The following MTHFD2L variants were observed in gnomAD, a reference collection of about 807,000 sequenced individuals.
MTHFD2L encodes bifunctional methylenetetrahydrofolate dehydrogenase/cyclohydrolase 2, mitochondrial.
A neutral mutation model predicts 34.9 loss-of-function variants in MTHFD2L; 29 were observed. The ratio of observed to expected loss-of-function variants is 0.83; its 90% CI spans 0.62 to 1.13. MTHFD2L has a LOEUF of 1.13. Among genes scored for constraint, MTHFD2L ranks in the 50% most tolerant of loss-of-function variants. The pLI is 0.00. For synonymous variants in MTHFD2L, 167 were observed against 155.7 expected (o/e 1.07, Z -0.54); for missense variants, 481 against 446.5 (o/e 1.08, Z -0.70).
chr4:74,126,549 T>G (rs538196148), intron 1 of MTHFD2L, among the ~76,000 whole-genome samples: 2 of 152,076 alleles, frequency 1.3e-5, no homozygotes, highest in South Asian at 4.2e-4. Flanking sequence ...AATGTCACAC[T>G]TTTTCTCTGG....
At chr4:74,247,916 A>G (rs2110190123) in intron 6 of MTHFD2L, among the ~76,000 whole-genome samples, 1 of 152,288 alleles carries the variant, frequency 6.6e-6, no homozygotes, top group Middle Eastern at 3.4e-3. Context: ...ATCAATGTTC[A>G]TCAAGGATAT....
chr4:74,199,924 T>G lies in MTHFD2L; in HGVS notation c.582T>G (p.Val194=). 6.2e-7 allele frequency: 1 copy of G among 1,613,940 alleles called. No individual in the cohort carries two copies. The highest frequency in any genetic ancestry group is 8.5e-7 in the Non-Finnish European group (1 of 1,179,950). The change falls in exon 4 of 8, where the codon GTT becomes GTG. Residue 194 remains valine, a synonymous_variant. Transcript: ENST00000325278. ...TCATACCTGCCACTGCCAGTGCTGT[T>G]TGGGAAATAATAAAAAGAACAGGTT... ...HSLIPATASA[V]WEIIKRTGIQ...
Position 74,140,145 on chromosome 4 carries a change from T to TA in MTHFD2L, c.-297+14639dup, listed in dbSNP as rs896559869. Reference sequence around the variant, plus strand: ...AGCCTGGGCAACATCTACAAAAAATTAAAAAAAAAAATAGCTGACATGGTG... The same window carrying TA: ...AGCCTGGGCAACATCTACAAAAAATTAAAAAAAAAAAATAGCTGACATGGTG... On this transcript the variant is annotated intron_variant, in intron 1 of 7. Coordinates refer to the MTHFD2L transcript ENST00000433372. 9.9e-3 allele frequency among the ~76,000 whole-genome samples: 1,446 copies of TA among 145,590 alleles called. 18 individuals are homozygous for TA. The highest frequency in any genetic ancestry group is 0.034 in the African/African-American group (1,350 of 39,714).
chr4:74,158,320 G>T, intron 1 of MTHFD2L, 39 bp downstream of exon 1: 2 of 1,229,244 alleles, frequency 1.6e-6, no homozygotes, highest in Non-Finnish European at 2.0e-6. Flanking sequence ...AGCCGCTGGC[G>T]GTGGGAGGTC....
intron 1 of MTHFD2L, among the ~76,000 whole-genome samples, chr4:74,145,966 T>C (rs1723569102): frequency 1.3e-5 from 2 of 152,078 alleles, no homozygotes; most frequent in African/African-American, 4.8e-5. Context: ...CAAGTAAACC[T>C]CTTTTCTTCA....
At chr4:74,247,592 T>C (rs1254180359) in intron 6 of MTHFD2L, among the ~76,000 whole-genome samples, 2 of 152,210 alleles carry the variant, frequency 1.3e-5, no homozygotes, top group Non-Finnish European at 2.9e-5. Flanking sequence ...GTTTTGCCCA[T>C]TCAGTATGAT....
At chr4:74,115,109 G>T (rs1388187236) in intron 2 of MTHFD2L, among the ~76,000 whole-genome samples, 1 of 152,174 alleles carries the variant, frequency 6.6e-6, no homozygotes, top group African/African-American at 2.4e-5. Context: ...TAGGGGGAGG[G>T]CAAGGGAGAC....
Position 74,174,509 on chromosome 4 carries a change from T to A in MTHFD2L, c.147T>A (p.His49Gln). ...TTTATTGTTTTGCTTTCCACAGACA[T>A]GAAGCCATTATTATATCAGGAACCG... is the stretch of plus-strand genomic sequence containing the variant. ...FRGFRSSGVR[H>Q]EAIIISGTEM... The change falls in exon 2 of 8, where the codon CAT becomes CAA. Residue 49 changes from histidine to glutamine, a missense_variant. By Grantham distance (24) the His-to-Gln change is conservative. Coordinates refer to ENST00000325278, the MANE Select transcript of MTHFD2L (RefSeq NM_001144978.3). 1 of 1,532,882 alleles carries A rather than the reference T, an allele frequency of 6.5e-7. No individual in the cohort carries two copies. Among genetic ancestry groups the A allele is most frequent in the Non-Finnish European group, 8.8e-7 (1 of 1,141,562 alleles). The allele number at this position is 1,532,882 out of a possible 1,614,324, so 95.0% of individuals were successfully genotyped here. A position where few individuals can be genotyped will look rare whatever the true frequency, so the allele number is the denominator to read the frequency against.
chr4:74,252,969 A>G (rs924226200), intron 6 of MTHFD2L, among the ~76,000 whole-genome samples: 19 of 152,192 alleles, frequency 1.2e-4, no homozygotes, highest in Admixed American at 2.0e-4. Context: ...TATAAGGGGT[A>G]AGGAGAATAC....
intron 6 of MTHFD2L, among the ~76,000 whole-genome samples, chr4:74,248,437 G>A (rs945495614): frequency 1.5e-4 from 23 of 151,906 alleles, no homozygotes; most frequent in African/African-American, 3.4e-4. Context: ...ACCAGCTCCC[G>A]GATTCATTAA....
At chr4:74,189,238 GTTCA>G (rs1731995337) in intron 3 of MTHFD2L, among the ~76,000 whole-genome samples, 1 of 152,034 alleles carries the variant, frequency 6.6e-6, no homozygotes. Context: ...TGCACTTGAA[GTTCA>G]TTCAAAGAAA....
intron 6 of MTHFD2L, among the ~76,000 whole-genome samples, chr4:74,242,397 CTTTA>C (rs1215663294): frequency 3.9e-5 from 6 of 151,938 alleles, no homozygotes; most frequent in Non-Finnish European, 7.4e-5. Flanking sequence ...CTTATCATTT[CTTTA>C]TTTAAATATC....
chr4:74,261,014 AAAAAT>A lies in MTHFD2L; in HGVS notation c.806-20409_806-20405del, dbSNP rs533253875. On this transcript the variant is annotated intron_variant, in intron 6 of 7. Coordinates refer to ENST00000325278, the MANE Select transcript of MTHFD2L (RefSeq NM_001144978.3). ...GGGTATCAACTGAAAATAAATAGAAAAAAATATATATATATATACTCTGTTGTAAA... is the reference window on the plus strand; with the variant it reads ...GGGTATCAACTGAAAATAAATAGAAAATATATATATATACTCTGTTGTAAA... Among the ~76,000 whole-genome samples the A allele has an allele frequency of 5.7e-5, 8 of 139,542 alleles. No individual in the cohort carries two copies. The East Asian group carries it at 1.6e-3, about 29-fold the overall frequency. The allele number at this position is 139,542 out of a possible 152,430, so 91.5% of individuals were successfully genotyped here.
chr4:74,205,314 G>A (rs10029404), intron 5 of MTHFD2L, among the ~76,000 whole-genome samples: 7,875 of 152,252 alleles, frequency 0.052, 590 homozygotes, highest in African/African-American at 0.16. Flanking sequence ...GTTAGCTAAT[G>A]AAGATAATGA....
chr4:74,263,665 G>T (rs900023138), intron 6 of MTHFD2L, among the ~76,000 whole-genome samples: 1 of 151,812 alleles, frequency 6.6e-6, no homozygotes, highest in Non-Finnish European at 1.5e-5. Context: ...AGTGATTTTT[G>T]CATATTAATT....
chr4:74,249,465 C>T (rs1327231372), intron 6 of MTHFD2L, among the ~76,000 whole-genome samples: 5 of 152,088 alleles, frequency 3.3e-5, no homozygotes, highest in African/African-American at 1.2e-4. Context: ...TTAGTTGGAG[C>T]ATTTAGTCCA....
At chr4:74,255,804 T>C (rs1329301832) in intron 6 of MTHFD2L, among the ~76,000 whole-genome samples, 2 of 152,240 alleles carry the variant, frequency 1.3e-5, no homozygotes, top group Non-Finnish European at 2.9e-5. Flanking sequence ...TAAAGCTCTA[T>C]CCATATTGCT....
chr4:74,212,652 G>A (rs576529528), intron 5 of MTHFD2L, among the ~76,000 whole-genome samples: 7 of 152,228 alleles, frequency 4.6e-5, no homozygotes, highest in Admixed American at 2.6e-4. Flanking sequence ...ATGTGGTGTC[G>A]AGAAGAATGT....
chr4:74,158,335 G>C, intron 1 of MTHFD2L, 54 bp downstream of exon 1: 5 of 1,192,686 alleles, frequency 4.2e-6, no homozygotes, highest in Non-Finnish European at 5.2e-6. Flanking sequence ...GAGGTCGGCG[G>C]GGGCGCGGGC....
Sources: allele counts gnomAD v4.1 joint callset (sites outside exome capture counted in the v4.1 genomes callset), GRCh38; gene constraint gnomAD v4.1.1; transcripts MANE v1.5; gene names NCBI Gene and HGNC (gene_info 2026-07-23, HGNC 2026-07-21).